RIC1: variants seen among roughly 807,000 people sequenced by gnomAD.
RIC1 encodes the protein RIC1 partner of RAB6A GEF complex.
Under a neutral mutation model 169.0 loss-of-function variants are expected in RIC1, and 88 were observed. The ratio of observed to expected loss-of-function variants is 0.52; its 90% CI spans 0.44 to 0.62. RIC1 has a LOEUF of 0.62. Among genes scored for constraint, RIC1 ranks in the 20% least tolerant of loss-of-function variants. RIC1 has a pLI of 0.00. For missense variants in RIC1, 1,877 were observed against 1,725.5 expected, an observed-to-expected ratio of 1.09 and a Z score of -1.56; for synonymous variants, 790 against 601.5, an observed-to-expected ratio of 1.31 and a Z score of -4.59.
chr9:5,747,684 C>A (rs558210247), intron 12 of RIC1, among the ~76,000 whole-genome samples, 179 bp downstream of exon 12: 3 of 152,302 alleles, frequency 2.0e-5, no homozygotes, highest in Non-Finnish European at 2.9e-5. Flanking sequence ...TCCTTTCTTT[C>A]CACTTGGCGT....
chr9:5,756,738 G>A (rs576863655), intron 16 of RIC1, among the ~76,000 whole-genome samples: 42 of 152,244 alleles, frequency 2.8e-4, no homozygotes, highest in Non-Finnish European at 5.4e-4. Flanking sequence ...TAAGACTGTA[G>A]GAAGCATGTC....
intron 1 of RIC1, among the ~76,000 whole-genome samples, chr9:5,640,705 G>C (rs1195303877): frequency 6.6e-6 from 1 of 152,160 alleles, no homozygotes; most frequent in African/African-American, 2.4e-5. Context: ...ACCTTCTGAT[G>C]GTTTCTTCTT....
intron 1 of RIC1, among the ~76,000 whole-genome samples, chr9:5,633,170 G>C (rs184619258): frequency 5.3e-5 from 8 of 152,268 alleles, no homozygotes; most frequent in African/African-American, 1.9e-4. Flanking sequence ...GTTCCCATTG[G>C]TATGTGCTAA....
intron 3 of RIC1, among the ~76,000 whole-genome samples, chr9:5,702,720 G>A (rs1822307706): frequency 6.6e-6 from 1 of 152,004 alleles, no homozygotes; most frequent in Admixed American, 6.6e-5. Context: ...TTTTGTGTGT[G>A]TATTTTAGTG....
intron 3 of RIC1, among the ~76,000 whole-genome samples, chr9:5,694,093 C>G (rs1265620205): frequency 6.6e-6 from 1 of 152,260 alleles, no homozygotes; most frequent in Middle Eastern, 3.4e-3. Context: ...CAGCTCACTG[C>G]TAATGAATTA....
At chr9:5,637,327 C>G (rs1818019437) in intron 1 of RIC1, among the ~76,000 whole-genome samples, 1 of 152,082 alleles carries the variant, frequency 6.6e-6, no homozygotes, top group Non-Finnish European at 1.5e-5. Context: ...CCTCGGGCTC[C>G]CAAAGTGCTG....
intron 2 of RIC1, among the ~76,000 whole-genome samples, chr9:5,684,462 G>A (rs1206754391): frequency 3.3e-5 from 5 of 151,962 alleles, no homozygotes; most frequent in Admixed American, 1.3e-4. Flanking sequence ...CTAGTTATCA[G>A]TGTACAAGTA....
chr9:5,631,183 A>G lies in RIC1; in HGVS notation c.144+1730A>G, dbSNP rs77884510. ...CTATTGTTTGGTTTTGGAGTTACAT[A>G]CGACATCTAGAAATCCAAGGCAGTT... On this transcript the variant is annotated intron_variant, in intron 1 of 25. Coordinates refer to ENST00000414202, the MANE Select transcript of RIC1 (RefSeq NM_020829.4). 9.7e-3 allele frequency among the ~76,000 whole-genome samples: 1,484 copies of G among 152,314 alleles called. 24 individuals are homozygous for G. The highest frequency in any genetic ancestry group is 0.034 in the African/African-American group (1,430 of 41,560).
chr9:5,712,539 A>G (rs1295599185), intron 3 of RIC1, among the ~76,000 whole-genome samples: 4 of 152,232 alleles, frequency 2.6e-5, no homozygotes, highest in Non-Finnish European at 5.9e-5. Context: ...ATATGAACAG[A>G]CACTTCTCAA....
intron 1 of RIC1, among the ~76,000 whole-genome samples, chr9:5,640,773 G>A (rs1818199081): frequency 6.6e-6 from 1 of 152,098 alleles, no homozygotes; most frequent in African/African-American, 2.4e-5. Context: ...TTTCTTGAGG[G>A]CAGATCCAGT....
At chr9:5,768,758 C>T (rs77976687) in intron 21 of RIC1, among the ~76,000 whole-genome samples, 2,594 of 152,246 alleles carry the variant, frequency 0.017, 40 homozygotes, top group Non-Finnish European at 0.022. Context: ...TCCCTGTATT[C>T]ATTCTACAAA....
At chr9:5,633,308 C>T (rs946010301) in intron 1 of RIC1, among the ~76,000 whole-genome samples, 13 of 152,104 alleles carry the variant, frequency 8.5e-5, no homozygotes, top group Admixed American at 7.9e-4. Flanking sequence ...ACCCTTTTAA[C>T]TCTATTACTT....
intron 2 of RIC1, among the ~76,000 whole-genome samples, chr9:5,657,285 C>T (rs376630156): frequency 2.4e-4 from 37 of 152,130 alleles, no homozygotes; most frequent in South Asian, 1.0e-3. Flanking sequence ...TTCTATTAAA[C>T]GTGCCTAGAT....
At chr9:5,708,071 G>C (rs1822700782) in intron 3 of RIC1, among the ~76,000 whole-genome samples, 2 of 151,626 alleles carry the variant, frequency 1.3e-5, no homozygotes, top group Admixed American at 1.3e-4. Context: ...ACATGTTTTA[G>C]TTATTAATGG....
At chr9:5,777,853 A>G (rs545370218), downstream of RIC1, among the ~76,000 whole-genome samples, 19 of 152,276 alleles carry the variant, frequency 1.2e-4, no homozygotes, top group South Asian at 3.9e-3. Context: ...CCAATACCAC[A>G]TTGCCTTGAT....
intron 1 of RIC1, among the ~76,000 whole-genome samples, chr9:5,631,405 ATGAG>A (rs1817708561): frequency 6.6e-6 from 1 of 152,164 alleles, no homozygotes; most frequent in African/African-American, 2.4e-5. Flanking sequence ...GTACTGTAGT[ATGAG>A]TGGTTAACCT....
In RIC1 at chr9:5,641,605, T is replaced by G. The variant is rs184431060; in HGVS notation, c.144+12152T>G. Reference sequence around the variant, plus strand: ...TTTTTAGGCATGCTTCACTGTTTTCTATTCTTTTTTCTTTTGTGGTCTCCT... The same window carrying G: ...TTTTTAGGCATGCTTCACTGTTTTCGATTCTTTTTTCTTTTGTGGTCTCCT... On this transcript the variant is annotated intron_variant, in intron 1 of 25. Coordinates refer to ENST00000414202, the MANE Select transcript of RIC1 (RefSeq NM_020829.4). 1.6e-4 allele frequency among the ~76,000 whole-genome samples: 25 copies of G among 152,222 alleles called. 1 individual carries two copies. In the East Asian group the frequency reaches 3.7e-3, roughly 22 times the overall value.
At chr9:5,711,005 C>G (rs766432039) in intron 3 of RIC1, among the ~76,000 whole-genome samples, 5 of 152,016 alleles carry the variant, frequency 3.3e-5, no homozygotes, top group Non-Finnish European at 7.4e-5. Context: ...ATTAAGGAAA[C>G]AAAACATGTA....
At chr9:5,768,867 A>C (rs1586727015) in intron 21 of RIC1, 103 bp from the exon 22 acceptor site, 1 of 1,235,684 alleles carries the variant, frequency 8.1e-7, no homozygotes, top group South Asian at 1.5e-5. Context: ...TAGATCTTGG[A>C]TCTCTTATCT....
Sources: gnomAD v4.1 joint callset for allele counts (sites outside exome capture counted in the v4.1 genomes callset) on GRCh38, gnomAD v4.1.1 for gene constraint, MANE v1.5 for transcripts, NCBI Gene and HGNC (gene_info 2026-07-23, HGNC 2026-07-21) for gene names.